The following NXN variants were observed in gnomAD, a reference collection of about 807,000 sequenced individuals.
NXN encodes nucleoredoxin 1.
Under a neutral mutation model 48.6 loss-of-function variants are expected in NXN, and 16 were observed. That is an observed-to-expected ratio of 0.33 (90% CI 0.22 to 0.50). NXN has a LOEUF of 0.50. Among genes scored for constraint, NXN ranks in the 20% least tolerant of loss-of-function variants. The pLI, the probability that NXN is intolerant of heterozygous loss-of-function variation, is 0.98. For synonymous variants in NXN, 281 were observed against 269.6 expected (o/e 1.04, Z -0.41); for missense variants, 492 against 605.5 (o/e 0.81, Z 1.97).
chr17:883,474 A>G (rs1442439772), intron 1 of NXN, among the ~76,000 whole-genome samples: 1 of 152,160 alleles, frequency 6.6e-6, no homozygotes, highest in East Asian at 1.9e-4. Context: ...CCCCGCCTAC[A>G]TCACCTCCAT....
intron 1 of NXN, among the ~76,000 whole-genome samples, chr17:957,374 C>T (rs563928684): frequency 9.2e-5 from 14 of 151,786 alleles, no homozygotes; most frequent in East Asian, 4.0e-4. Flanking sequence ...GGGCTCACTT[C>T]GGCCATCCCA....
intron 1 of NXN, among the ~76,000 whole-genome samples, chr17:913,142 G>A (rs2068653226): frequency 6.6e-5 from 10 of 152,108 alleles, no homozygotes; most frequent in Admixed American, 6.6e-4. Context: ...ATAAAATCTA[G>A]ATTAATTCTC....
At chr17:835,143 C>A (rs892288131) in intron 1 of NXN, among the ~76,000 whole-genome samples, 1 of 151,336 alleles carries the variant, frequency 6.6e-6, no homozygotes, top group African/African-American at 2.4e-5. Context: ...CCTGTCTCTA[C>A]TAAAAATACA....
Position 979,724 on chromosome 17 carries a change from G to A in NXN, c.-46C>T. On this transcript the variant is annotated 5_prime_UTR_variant, in exon 1 of 8. Coordinates refer to ENST00000336868, the MANE Select transcript of NXN (RefSeq NM_022463.5). ...GCAGGCGGCTGCGACCCCGCTCCAC[G>A]GTCCGCGCGGCGGGAGGAGGCGGCG... is the stretch of plus-strand genomic sequence containing the variant. The A allele has an allele frequency of 7.8e-7, 1 of 1,283,976 alleles. No homozygotes were observed. Among genetic ancestry groups the A allele is most frequent in the Non-Finnish European group, 9.9e-7 (1 of 1,014,292 alleles). 79.5% of individuals were successfully genotyped at this position (1,283,976 alleles called of 1,614,324 possible).
At chr17:944,323 T>G (rs1223322976) in intron 1 of NXN, among the ~76,000 whole-genome samples, 1 of 152,202 alleles carries the variant, frequency 6.6e-6, no homozygotes, top group Non-Finnish European at 1.5e-5. Flanking sequence ...TCCAGGTGAT[T>G]TGTGTTCCTG....
intron 1 of NXN, among the ~76,000 whole-genome samples, chr17:976,835 C>T (rs577806395): frequency 1.5e-3 from 220 of 150,750 alleles, no homozygotes; most frequent in Non-Finnish European, 2.5e-3. Context: ...GGTGCGATCT[C>T]GGCTCACCGC....
At chr17:889,967 C>T (rs8081618) in intron 1 of NXN, among the ~76,000 whole-genome samples, 17,204 of 152,112 alleles carry the variant, frequency 0.11, 1,594 homozygotes, top group African/African-American at 0.25. Context: ...AAAGAGCACA[C>T]GCCCAGTACC....
At chr17:862,915 G>A (rs1301021068) in intron 1 of NXN, among the ~76,000 whole-genome samples, 2 of 152,138 alleles carry the variant, frequency 1.3e-5, no homozygotes, top group Non-Finnish European at 2.9e-5. Flanking sequence ...TACATTTCTT[G>A]GGTATGATAA....
intron 1 of NXN, among the ~76,000 whole-genome samples, chr17:884,223 A>AAAATAAATAAATAAATAAATAAAT (rs996617349): frequency 0.058 from 8,258 of 141,732 alleles, 279 homozygotes; most frequent in South Asian, 0.16. Flanking sequence ...TCTGACTCAA[A>AAAATAAATAAATAAATAAATAAAT]AAATAAATAA....
intron 1 of NXN, among the ~76,000 whole-genome samples, chr17:907,410 G>A (rs899586519): frequency 1.3e-5 from 2 of 150,758 alleles, no homozygotes; most frequent in Non-Finnish European, 2.9e-5. Context: ...AGTGATCTCA[G>A]CTCACTGCAA....
At position 849,351 on chromosome 17, in the gene NXN, G is replaced by A. The variant is rs952677721; in HGVS notation, c.361-23273C>T. 6.6e-6 allele frequency among the ~76,000 whole-genome samples: 1 copy of A among 152,140 alleles called. No individual in the cohort carries two copies. The highest frequency in any genetic ancestry group is 1.5e-5 in the Non-Finnish European group (1 of 68,022). On this transcript the variant is annotated intron_variant, in intron 1 of 7. Transcript: ENST00000336868. The surrounding 1 kb of genome is among the most constrained non-coding windows in gnomAD (Gnocchi z 4.2). The stretch of plus-strand genomic sequence containing the variant: ...AGTTAGAGACCACCCTGGCAAACAG[G>A]GTGAAATCTCATCTCTACTAAAAAT...
chr17:814,695 C>T (rs1265929137), intron 5 of NXN, among the ~76,000 whole-genome samples: 1 of 152,224 alleles, frequency 6.6e-6, no homozygotes, highest in East Asian at 1.9e-4. Flanking sequence ...CCGTGGAGCT[C>T]AGTACGGAGA....
intron 2 of NXN, among the ~76,000 whole-genome samples, chr17:824,743 C>A (rs1913004776): frequency 6.6e-6 from 1 of 152,220 alleles, no homozygotes; most frequent in Non-Finnish European, 1.5e-5. Context: ...GACACCTAAG[C>A]TCCAGGTAGG....
intron 1 of NXN, among the ~76,000 whole-genome samples, chr17:869,763 C>A (rs938623350): frequency 5.3e-5 from 8 of 152,216 alleles, no homozygotes; most frequent in Admixed American, 5.2e-4. Flanking sequence ...TTTTCACTTC[C>A]TCTGCTCGTT....
At chr17:805,915 A>G (rs1284796517) in intron 5 of NXN, among the ~76,000 whole-genome samples, 2 of 152,110 alleles carry the variant, frequency 1.3e-5, no homozygotes, top group East Asian at 1.9e-4. Context: ...CTGGTCTCCC[A>G]AAGACACAGA....
intron 1 of NXN, among the ~76,000 whole-genome samples, chr17:944,868 T>A (rs2069024440): frequency 6.6e-6 from 1 of 151,962 alleles, no homozygotes; most frequent in Admixed American, 6.6e-5. Flanking sequence ...GGGGCCACAC[T>A]GAGGGAAGAT....
intron 1 of NXN, chr17:930,003 G>T (rs1413890438): frequency 6.6e-6 from 1 of 151,962 alleles, no homozygotes; most frequent in Non-Finnish European, 1.5e-5. Flanking sequence ...CAATGACGGG[G>T]GTTAGAATAA....
intron 1 of NXN, among the ~76,000 whole-genome samples, chr17:861,503 C>T (rs539529424): frequency 6.6e-6 from 1 of 152,230 alleles, no homozygotes; most frequent in Non-Finnish European, 1.5e-5. Context: ...ACTTCATGAC[C>T]AGATGTTGGT....
rs567600412 is a variant in NXN, at chr17:929,649, C to T, written c.360+49670G>A. On this transcript the variant is annotated intron_variant, in intron 1 of 7. Transcript: ENST00000336868. Reference sequence around the variant, plus strand: ...TGGGTTCAACCTTAGCTTAGCATTTCCCACCATACCTACCACGCATCCCTC... The same window carrying T: ...TGGGTTCAACCTTAGCTTAGCATTTTCCACCATACCTACCACGCATCCCTC... 9 of 152,346 alleles carry T rather than the reference C, an allele frequency of 5.9e-5. No homozygotes were observed. The South Asian group carries it at 6.2e-4, about 11-fold the overall frequency. The allele number at this position is 152,346 out of a possible 1,614,324, so 9.4% of individuals were successfully genotyped here. A position where few individuals can be genotyped will look rare whatever the true frequency, so the allele number is the denominator to read the frequency against.
Sources: gnomAD v4.1 joint callset for allele counts (sites outside exome capture counted in the v4.1 genomes callset) on GRCh38, gnomAD v4.1.1 for gene constraint, Gnocchi (gnomAD v3.1) non-coding constraint, MANE v1.5 for transcripts, NCBI Gene and HGNC (gene_info 2026-07-23, HGNC 2026-07-21) for gene names.